MKLN1: variants seen among roughly 807,000 people sequenced by gnomAD.
MKLN1 encodes the protein muskelin 1.
Under a neutral mutation model 99.0 loss-of-function variants are expected in MKLN1, and 18 were observed. That is an observed-to-expected ratio of 0.18 (90% CI 0.13 to 0.27). The LOEUF (loss-of-function observed/expected upper bound fraction) is 0.27. Ranked by LOEUF, MKLN1 falls within the 10% of genes least tolerant of loss-of-function variation. The probability of loss-of-function intolerance (pLI) is 1.00; values close to 1 mark genes in which losing one functional copy is unlikely to be tolerated. For missense variants in MKLN1, 621 were observed against 875.9 expected (o/e 0.71, Z 3.67); for synonymous variants, 288 against 293.2 (o/e 0.98, Z 0.18).
rs766303175 is a variant in MKLN1, at chr7:131,443,539, G to A, written c.1232G>A (p.Cys411Tyr). ...IYTFGGRILT[C>Y]NGSVDDSRAS... is the part of the protein sequence containing the mutation. Reference sequence around the variant, plus strand: ...ACTTTTGGTGGTAGAATTTTGACTTGTAATGGCAGCGTAGATGACAGCAGA... The same window carrying A: ...ACTTTTGGTGGTAGAATTTTGACTTATAATGGCAGCGTAGATGACAGCAGA... Residue 411 changes from cysteine to tyrosine, a missense_variant, in exon 11 of 18, where the codon TGT (cysteine) becomes TAT (tyrosine). Coordinates refer to ENST00000352689, the MANE Select transcript of MKLN1 (RefSeq NM_013255.5). The A allele has an allele frequency of 6.2e-7, 1 of 1,613,976 alleles. No homozygotes were observed. The highest frequency in any genetic ancestry group is 8.5e-7 in the Non-Finnish European group (1 of 1,180,006).
intron 12 of MKLN1, among the ~76,000 whole-genome samples, chr7:131,452,970 G>A (rs1427626926): frequency 1.3e-5 from 2 of 152,090 alleles, no homozygotes; most frequent in East Asian, 3.8e-4. Context: ...AAATGGTAGC[G>A]CTTATTTTCA....
At chr7:131,187,754 A>G (rs1443419471) in intron 2 of MKLN1, among the ~76,000 whole-genome samples, 1 of 152,084 alleles carries the variant, frequency 6.6e-6, no homozygotes, top group Non-Finnish European at 1.5e-5. Context: ...GTTTGAGGCC[A>G]CTCTGACTGA....
chr7:131,202,146 C>CTTTTTTTTTTT (rs58800874), intron 2 of MKLN1, among the ~76,000 whole-genome samples: 16 of 60,274 alleles, frequency 2.7e-4, no homozygotes, highest in Non-Finnish European at 3.5e-4. Flanking sequence ...GCACTATTGA[C>CTTTTTTTTTTT]TTTTTTTTTT....
rs1448873899 is a variant in MKLN1, at chr7:131,399,359, C to CAG, written c.631_632dup (p.Asp211GlufsTer9). 1 of 1,613,772 alleles carries CAG rather than the reference C, an allele frequency of 6.2e-7. No individual in the cohort carries two copies. Among genetic ancestry groups the CAG allele is most frequent in the East Asian group, 2.2e-5 (1 of 44,854 alleles). On this transcript the variant is annotated frameshift_variant, in exon 6 of 18. Transcript: ENST00000352689. LOFTEE classifies it high-confidence loss of function. The stretch of plus-strand genomic sequence containing the variant: ...ATTGCACTGGAACATCCCATGTTAA[C>CAG]AGATATTCATGACAAGCTGGTGTTG...
intron 3 of MKLN1, among the ~76,000 whole-genome samples, chr7:131,271,472 CTGGG>C (rs1797883386): frequency 1.3e-5 from 2 of 152,034 alleles, no homozygotes; most frequent in South Asian, 4.2e-4. Flanking sequence ...CAAAAATTAG[CTGGG>C]CATGGTGGCA....
rs144183172 is a variant in MKLN1, at chr7:131,176,419, C to T, written c.-296-26438C>T. On this transcript the variant is annotated intron_variant, in intron 2 of 7. Coordinates refer to the MKLN1 transcript ENST00000416992. The stretch of plus-strand genomic sequence containing the variant: ...AGCTAAATTTGGAAGTTCTATCTTA[C>T]GTCTCAAATGATCCTTGTTGGTACA... 2.3e-3 allele frequency among the ~76,000 whole-genome samples: 357 copies of T among 152,166 alleles called. 3 individuals carry two copies. Among genetic ancestry groups the T allele is most frequent in the Non-Finnish European group, 4.1e-3 (277 of 68,002 alleles).
At chr7:131,157,664 C>G (rs947933219) in intron 2 of MKLN1, among the ~76,000 whole-genome samples, 1 of 152,028 alleles carries the variant, frequency 6.6e-6, no homozygotes, top group African/African-American at 2.4e-5. Context: ...CTTTTGACCT[C>G]TTTTTTCATG....
intron 12 of MKLN1, among the ~76,000 whole-genome samples, chr7:131,454,583 A>C (rs1796280165): frequency 6.6e-6 from 1 of 152,222 alleles, no homozygotes; most frequent in African/African-American, 2.4e-5. Flanking sequence ...TTCTTCTGTT[A>C]ACCAAACCAT....
chr7:131,468,032 G>C (rs536667910), intron 15 of MKLN1, among the ~76,000 whole-genome samples: 1 of 152,276 alleles, frequency 6.6e-6, no homozygotes, highest in South Asian at 2.1e-4. Context: ...AAGAGTGAAG[G>C]GTTGCTGGGT....
chr7:131,283,716 G>A (rs910400524), intron 3 of MKLN1, among the ~76,000 whole-genome samples: 19 of 151,814 alleles, frequency 1.3e-4, no homozygotes, highest in African/African-American at 2.2e-4. Flanking sequence ...GATAACAGGC[G>A]TGTGCCATTG....
chr7:131,380,198 A>T (rs1357094044), intron 2 of MKLN1, among the ~76,000 whole-genome samples: 2 of 152,182 alleles, frequency 1.3e-5, no homozygotes, highest in Non-Finnish European at 2.9e-5. Flanking sequence ...AATTGGTAGT[A>T]TCCCTAGCAA....
chr7:131,472,653 TTAAAA>T (rs1796851207), intron 16 of MKLN1, among the ~76,000 whole-genome samples: 1 of 151,744 alleles, frequency 6.6e-6, no homozygotes, highest in South Asian at 2.1e-4. Context: ...TGGACACTTT[TTAAAA>T]CAATGCCCTT....
In MKLN1 at chr7:131,495,856, C is replaced by A. The variant is rs1477942320; in HGVS notation, c.*8128C>A. On this transcript the variant is annotated 3_prime_UTR_variant, in exon 18 of 18. Coordinates refer to ENST00000352689, the MANE Select transcript of MKLN1 (RefSeq NM_013255.5). Reference sequence around the variant, plus strand: ...CTAAGACTCATTGGAATTTCTAAGTCCGTTATGCACCATTATGGGCATATG... The same window carrying A: ...CTAAGACTCATTGGAATTTCTAAGTACGTTATGCACCATTATGGGCATATG... 6.6e-6 allele frequency: 1 copy of A among 152,114 alleles called. No individual in the cohort carries two copies. Among genetic ancestry groups the A allele is most frequent in the African/African-American group, 2.4e-5 (1 of 41,428 alleles). 9.4% of individuals were successfully genotyped at this position (152,114 alleles called of 1,614,324 possible).
chr7:131,150,996 C>T (rs116049820), intron 2 of MKLN1, among the ~76,000 whole-genome samples: 365 of 152,210 alleles, frequency 2.4e-3, no homozygotes, highest in African/African-American at 4.4e-3. Flanking sequence ...TGTTTATTGA[C>T]CTTAAAGGAA....
chr7:131,460,366 G>T (rs1215211939), intron 12 of MKLN1, among the ~76,000 whole-genome samples: 2 of 152,198 alleles, frequency 1.3e-5, no homozygotes, highest in East Asian at 1.9e-4. Flanking sequence ...TTTACAGTGT[G>T]TAGGTCTCTT....
intron 2 of MKLN1, among the ~76,000 whole-genome samples, chr7:131,174,261 C>T (rs1796261257): frequency 6.6e-6 from 1 of 152,080 alleles, no homozygotes; most frequent in East Asian, 1.9e-4. Flanking sequence ...CGTGAGCCAC[C>T]GCGCCCCACC....
In MKLN1 at chr7:131,135,864, C is replaced by T. The variant is rs1740962880; in HGVS notation, c.-418-6956C>T. Among the ~76,000 whole-genome samples, 4 of 152,082 alleles carry T rather than the reference C, an allele frequency of 2.6e-5. No homozygotes were observed. The South Asian group carries it at 6.2e-4, about 24-fold the overall frequency. On this transcript the variant is annotated intron_variant, in intron 1 of 7. Transcript: ENST00000416992. Reference sequence around the variant, plus strand: ...CGGATAAATGAAGAAATAATGTCTTCGAGAGGATCCCATGATAGATCATGA... The same window carrying T: ...CGGATAAATGAAGAAATAATGTCTTTGAGAGGATCCCATGATAGATCATGA...
chr7:131,355,140 T>C (rs531385306), intron 1 of MKLN1, among the ~76,000 whole-genome samples: 1 of 152,244 alleles, frequency 6.6e-6, no homozygotes, highest in African/African-American at 2.4e-5. Context: ...TATAAATATC[T>C]TGCTGCTTTA....
chr7:131,421,624 A>G (rs935352282), intron 8 of MKLN1, among the ~76,000 whole-genome samples: 8 of 152,212 alleles, frequency 5.3e-5, no homozygotes, highest in Admixed American at 4.6e-4. Flanking sequence ...TATTATTTAT[A>G]TAACATGCAT....
Sources: allele counts gnomAD v4.1 joint callset (sites outside exome capture counted in the v4.1 genomes callset), GRCh38; gene constraint gnomAD v4.1.1; transcripts MANE v1.5; gene names NCBI Gene and HGNC (gene_info 2026-07-23, HGNC 2026-07-21).